The following ESPNL variants were observed in gnomAD, a reference collection of about 807,000 sequenced individuals.
ESPNL encodes espin like, also known as espin-like protein.
Under a neutral mutation model 46.8 loss-of-function variants are expected in ESPNL, and 49 were observed. The observed-to-expected ratio is 1.05, with a 90% CI of 0.83 to 1.33. The LOEUF (loss-of-function observed/expected upper bound fraction) is 1.33, where lower values mean the gene tolerates loss of function less well. Among genes scored for constraint, ESPNL ranks in the 40% most tolerant of loss-of-function variants. The probability of loss-of-function intolerance (pLI) is 0.00; values close to 1 mark genes in which losing one functional copy is unlikely to be tolerated. For synonymous variants in ESPNL, 664 were observed against 662.1 expected (o/e 1.00, Z -0.04); for missense variants, 1,540 against 1,436.6 (o/e 1.07, Z -1.16).
chr2:238,131,719 A>T lies in ESPNL; in HGVS notation c.3005A>T (p.Asn1002Ile). The T allele has an allele frequency of 6.3e-7, 1 of 1,582,764 alleles. No individual in the cohort carries two copies. Among genetic ancestry groups the T allele is most frequent in the African/African-American group, 1.3e-5 (1 of 74,328 alleles). Residue 1002 changes from asparagine to isoleucine, a missense_variant, in exon 9 of 9, where the codon AAC (asparagine) becomes ATC (isoleucine). Asn to Ile is a moderately radical substitution (Grantham distance 149, BLOSUM62 -3). Transcript: ENST00000343063. ...FWKEKEAEMF[N>I]FGE ...AAGGAGAAGGAAGCTGAGATGTTCA[A>T]CTTTGGAGAATGACCCTACTGGCAG...
intron 3 of ESPNL, among the ~76,000 whole-genome samples, chr2:238,106,916 C>A (rs1487663330): frequency 1.3e-5 from 2 of 152,236 alleles, no homozygotes; most frequent in Non-Finnish European, 2.9e-5. Context: ...ACAGACACTT[C>A]TGAGTACTGA....
At chr2:238,130,050 C>T (rs1692250866) in intron 8 of ESPNL, 78 bp from the exon 9 acceptor site, 2 of 1,503,218 alleles carry the variant, frequency 1.3e-6, no homozygotes, top group African/African-American at 1.4e-5. Context: ...ATACTGAGAA[C>T]TCAGGGACTT....
At chr2:238,113,825 C>A (rs1691760488) in intron 4 of ESPNL, among the ~76,000 whole-genome samples, 1 of 152,156 alleles carries the variant, frequency 6.6e-6, no homozygotes, top group Non-Finnish European at 1.5e-5. Context: ...CTCCCTGGTC[C>A]CCTGAGGCTG....
At chr2:238,106,155 TCCGTGGGTGCAGGACTTCA>T (rs1691594160) in intron 3 of ESPNL, among the ~76,000 whole-genome samples, 1 of 152,112 alleles carries the variant, frequency 6.6e-6, no homozygotes. Context: ...CGCCAGGAGC[TCCGTGGGTGCAGGACTTCA>T]CCACCTGCTA....
At position 238,114,503 on chromosome 2, in the gene ESPNL, C is replaced by A. The variant is rs991700753; in HGVS notation, c.856-2400C>A. 1.3e-5 allele frequency among the ~76,000 whole-genome samples: 2 copies of A among 152,114 alleles called. No homozygotes were observed. Among genetic ancestry groups the A allele is most frequent in the African/African-American group, 4.8e-5 (2 of 41,420 alleles). On this transcript the variant is annotated intron_variant, in intron 4 of 8. Coordinates refer to ENST00000343063, the MANE Select transcript of ESPNL (RefSeq NM_194312.4). The surrounding 1 kb of genome is among the most constrained non-coding windows in gnomAD (Gnocchi z 5.0). ...CTCCGGGAGCAGTGCCTCTCTCCAG[C>A]GACTGGCTTCAGCGACCTGCCCCAG...
Position 238,131,146 on chromosome 2 carries a change from G to A in ESPNL, c.2432G>A (p.Trp811Ter), listed in dbSNP as rs1461085973. The A allele has an allele frequency of 6.5e-7, 1 of 1,546,342 alleles. No individual in the cohort carries two copies. Among genetic ancestry groups the A allele is most frequent in the Admixed American group, 2.0e-5 (1 of 51,212 alleles). Reference sequence around the variant, plus strand: ...ACCATCACCCACCTGCTGGGCAACTGGAAGGCCATCATGGCTCACGTGCCC... The same window carrying A: ...ACCATCACCCACCTGCTGGGCAACTAGAAGGCCATCATGGCTCACGTGCCC... ...RSTITHLLGNWKAIMAHVPAR... is the reference protein window; with the variant it reads ...RSTITHLLGN The change falls in exon 9 of 9, where the codon TGG (tryptophan) becomes TAG (stop). Residue 811 changes from tryptophan (W) to a stop codon, truncating the protein, a stop_gained. Coordinates refer to ENST00000343063, the MANE Select transcript of ESPNL (RefSeq NM_194312.4). LOFTEE classifies it low-confidence loss of function (END_TRUNC).
Position 238,107,911 on chromosome 2 carries a change from A to G in ESPNL, c.793A>G (p.Ile265Val), listed in dbSNP as rs2106466151. 2 of 1,612,608 alleles carry G rather than the reference A, an allele frequency of 1.2e-6. No homozygotes were observed. Among genetic ancestry groups the G allele is most frequent in the Middle Eastern group, 3.3e-4 (2 of 6,060 alleles). Residue 265 changes from isoleucine (I) to valine (V), a missense_variant, in exon 4 of 9, where the codon ATC (isoleucine) becomes GTC (valine). Ile to Val is a conservative substitution (Grantham distance 29). Transcript: ENST00000343063. ...CCGACTCCTGCTCATGGGTACCCCC[A>G]TCCTGAGAGACTCCTGGGGTGGGAC... ...LDRLLLMGTP[I>V]LRDSWGGTPL...
intron 8 of ESPNL, among the ~76,000 whole-genome samples, chr2:238,129,482 T>C (rs903878927): frequency 4.6e-5 from 7 of 151,370 alleles, no homozygotes; most frequent in Admixed American, 3.9e-4. Flanking sequence ...TGGCATGGAG[T>C]GGGCGCCTGA....
chr2:238,120,950 CTCG>C (rs1456690723), intron 5 of ESPNL, among the ~76,000 whole-genome samples: 1 of 152,224 alleles, frequency 6.6e-6, no homozygotes, highest in African/African-American at 2.4e-5. Context: ...CCCCAGGGGA[CTCG>C]TGCATTCCAA....
chr2:238,131,908 G>A lies in ESPNL; in HGVS notation c.*176G>A, dbSNP rs1332426065. On this transcript the variant is annotated 3_prime_UTR_variant, in exon 9 of 9. Transcript: ENST00000343063. ...TGTGGCATGGTTCTCCTCCGAGCTG[G>A]GACTCAGACTCCTTCTCACCACTGC... 11 of 694,368 alleles carry A rather than the reference G, an allele frequency of 1.6e-5. No individual in the cohort carries two copies. The South Asian group carries it at 1.6e-4, about 10-fold the overall frequency. 43.0% of individuals were successfully genotyped at this position (694,368 alleles called of 1,614,324 possible). A position where few individuals can be genotyped will look rare whatever the true frequency, so the allele number is the denominator to read the frequency against.
At chr2:238,115,124 G>C (rs935916811) in intron 4 of ESPNL, among the ~76,000 whole-genome samples, 7 of 152,224 alleles carry the variant, frequency 4.6e-5, no homozygotes, top group Non-Finnish European at 8.8e-5. Flanking sequence ...ATCTTGCGGC[G>C]GTTCTGGCAC....
In ESPNL at chr2:238,130,814, AG is replaced by A; in HGVS notation, c.2104del (p.Glu702SerfsTer65). 6.5e-7 allele frequency: 1 copy of A among 1,543,846 alleles called. No homozygotes were observed. On this transcript the variant is annotated frameshift_variant, in exon 9 of 9. Transcript: ENST00000343063. LOFTEE classifies it low-confidence loss of function (END_TRUNC). ...CTAAGCCCCGCAGTGGCCTGGCTTC[AG>A]GGGAGCCCAGGCCTGGCGACACAGA... ...LPKPRSGLASGEPRPGDTEEA... is the reference protein window; with the variant it reads ...LPKPRSGLASXEPRPGDTEEA...
intron 4 of ESPNL, among the ~76,000 whole-genome samples, chr2:238,108,977 C>A (rs972568142): frequency 6.7e-6 from 1 of 149,246 alleles, no homozygotes; most frequent in Non-Finnish European, 1.5e-5. Context: ...TTCTCTGAGG[C>A]CCCCCAGCTA....
Position 238,128,919 on chromosome 2 carries a change from G to T in ESPNL, c.1413+15G>T. Reference sequence around the variant, plus strand: ...CAGAGGCCCAGGTAGGCCCCCGGCAGGGGCGGGACCAGTGGGCGGGGCGGG... The same window carrying T: ...CAGAGGCCCAGGTAGGCCCCCGGCATGGGCGGGACCAGTGGGCGGGGCGGG... On this transcript the variant is annotated intron_variant, in intron 8 of 8. Transcript: ENST00000343063. The T allele has an allele frequency of 2.0e-6, 3 of 1,531,828 alleles. No individual in the cohort carries two copies. Among genetic ancestry groups the T allele is most frequent in the Non-Finnish European group, 2.6e-6 (3 of 1,141,398 alleles). 94.9% of individuals were successfully genotyped at this position (1,531,828 alleles called of 1,614,324 possible).
At chr2:238,125,860 C>T (rs577062753) in intron 6 of ESPNL, among the ~76,000 whole-genome samples, 4 of 152,260 alleles carry the variant, frequency 2.6e-5, no homozygotes, top group Admixed American at 6.5e-5. Context: ...GCTTCCTCCA[C>T]GGGCCCTGCT....
At chr2:238,120,625 C>T (rs1026995281) in intron 5 of ESPNL, among the ~76,000 whole-genome samples, 3 of 152,250 alleles carry the variant, frequency 2.0e-5, no homozygotes, top group African/African-American at 2.4e-5. Context: ...GGGGCCTTCC[C>T]GGCTCCTCAG....
chr2:238,107,964 G>A lies in ESPNL; in HGVS notation c.846G>A (p.Gly282=), dbSNP rs1430027962. 6.2e-7 allele frequency: 1 copy of A among 1,611,476 alleles called. No individual in the cohort carries two copies. Among genetic ancestry groups the A allele is most frequent in the Admixed American group, 1.7e-5 (1 of 59,790 alleles). The part of the protein sequence containing the change: ...GTPLHDAAEN[G]QMECCQTLVS... ...CCCTCCACGACGCAGCAGAGAACGG[G>A]CAGATGGAGGTAAGGTGGGCGTGAG... The change falls in exon 4 of 9, where the codon GGG becomes GGA. Residue 282 remains glycine, a synonymous_variant. Coordinates refer to ENST00000343063, the MANE Select transcript of ESPNL (RefSeq NM_194312.4).
Position 238,130,730 on chromosome 2 carries a change from C to T in ESPNL, c.2016C>T (p.Gly672=). The stretch of plus-strand genomic sequence containing the variant: ...GCCCACTCTGTGGCTTCAACCCTGG[C>T]CCCTGCGAGCCGGGGGCCCAGCACA... ...ASGPLCGFNP[G]PCEPGAQHRQ... is the part of the protein sequence containing the mutation. Residue 672 remains glycine, a synonymous_variant, in exon 9 of 9, where the codon GGC becomes GGT. Transcript: ENST00000343063. 6.4e-7 allele frequency: 1 copy of T among 1,564,634 alleles called. No individual in the cohort carries two copies.
intron 5 of ESPNL, among the ~76,000 whole-genome samples, chr2:238,118,251 ATGGATGGAGGAATGGATGGTGGAGGG>A (rs1691861396): frequency 9.3e-6 from 1 of 107,540 alleles, no homozygotes; most frequent in African/African-American, 3.9e-5. Flanking sequence ...TGGAGGAGGA[ATGGATGGAGGAATGGATGGTGGAGGG>A]TGGATGGAGG....
Sources: gnomAD v4.1 joint callset for allele counts (sites outside exome capture counted in the v4.1 genomes callset) on GRCh38, gnomAD v4.1.1 for gene constraint, Gnocchi (gnomAD v3.1) non-coding constraint, MANE v1.5 for transcripts, NCBI Gene and HGNC (gene_info 2026-07-23, HGNC 2026-07-21) for gene names.